Variants in TFB1M observed in about 807,000 individuals in gnomAD.
TFB1M encodes the protein dimethyladenosine transferase 1, mitochondrial.
A neutral mutation model predicts 31.1 loss-of-function variants in TFB1M; 27 were observed. The ratio of observed to expected loss-of-function variants is 0.87; its 90% confidence interval spans 0.64 to 1.20. The LOEUF is 1.20. Ranked by LOEUF, TFB1M falls within the 50% of genes most tolerant of loss-of-function variation. TFB1M has a pLI of 0.00. For synonymous variants in TFB1M, 166 were observed against 151.8 expected (o/e 1.09, Z -0.69); for missense variants, 394 against 418.7 (o/e 0.94, Z 0.51).
At chr6:155,270,766 C>G (rs1784881349) in intron 5 of TFB1M, among the ~76,000 whole-genome samples, 1 of 152,186 alleles carries the variant, frequency 6.6e-6, no homozygotes, top group Admixed American at 6.5e-5. Context: ...CCATGGCGAC[C>G]AGCGAAACAA....
chr6:155,274,730 C>T (rs557167586), intron 5 of TFB1M, among the ~76,000 whole-genome samples: 1 of 152,366 alleles, frequency 6.6e-6, no homozygotes, highest in South Asian at 2.1e-4. Flanking sequence ...GTGACTCAGA[C>T]TTCTTTCCAC....
chr6:155,262,814 T>C (rs150112450), intron 5 of TFB1M, among the ~76,000 whole-genome samples: 40 of 152,334 alleles, frequency 2.6e-4, no homozygotes, highest in African/African-American at 9.4e-4. Flanking sequence ...TGAGATATAG[T>C]TGGTATTTGC....
intron 2 of TFB1M, among the ~76,000 whole-genome samples, chr6:155,309,406 C>T (rs560967488): frequency 2.6e-5 from 4 of 152,216 alleles, no homozygotes; most frequent in African/African-American, 4.8e-5. Context: ...ATGGGAAGAA[C>T]ATATATACAG....
the TFB1M span, chr6:155,232,869 T>C: frequency 3.3e-5 from 5 of 152,242 alleles, no homozygotes; most frequent in Admixed American, 6.5e-5. Context: ...AAAGCAGGAA[T>C]TGAAATGTAG....
At chr6:155,236,967 A>G in the TFB1M span, among the ~76,000 whole-genome samples, 1 of 152,162 alleles carries the variant, frequency 6.6e-6, no homozygotes, top group Non-Finnish European at 1.5e-5. Context: ...AAAACCAATC[A>G]TGCCTTCCCA....
the TFB1M span, among the ~76,000 whole-genome samples, chr6:155,241,069 A>C: frequency 6.6e-6 from 1 of 152,186 alleles, no homozygotes; most frequent in South Asian, 2.1e-4. Flanking sequence ...CAATCTGTAC[A>C]TACGTGACGG....
chr6:155,291,432 T>A (rs1776919928), intron 4 of TFB1M, among the ~76,000 whole-genome samples: 1 of 152,118 alleles, frequency 6.6e-6, no homozygotes, highest in South Asian at 2.1e-4. Flanking sequence ...CCCAAGAGAA[T>A]TAGCAGGTTC....
At chr6:155,305,947 C>T (rs115290983) in intron 2 of TFB1M, among the ~76,000 whole-genome samples, 2,850 of 150,886 alleles carry the variant, frequency 0.019, 71 homozygotes, top group African/African-American at 0.05. Context: ...GCTGAGAAAA[C>T]ATTTGTAAAA....
At chr6:155,267,593 A>AG (rs1381213276) in intron 5 of TFB1M, among the ~76,000 whole-genome samples, 1 of 152,210 alleles carries the variant, frequency 6.6e-6, no homozygotes, top group Non-Finnish European at 1.5e-5. Context: ...GAGTCACAGT[A>AG]GGTGGTCCCA....
intron 2 of TFB1M, among the ~76,000 whole-genome samples, chr6:155,300,135 G>T (rs906574135): frequency 8.5e-5 from 13 of 152,080 alleles, no homozygotes; most frequent in African/African-American, 2.9e-4. Flanking sequence ...AAATTTGTAG[G>T]GTCTAGAAAC....
chr6:155,284,440 G>A (rs1013152742), intron 5 of TFB1M, among the ~76,000 whole-genome samples: 2 of 152,048 alleles, frequency 1.3e-5, no homozygotes, highest in East Asian at 1.9e-4. Flanking sequence ...ACTCTGTATC[G>A]GATTAGGCTC....
At chr6:155,298,238 T>G (rs1351367419) in intron 3 of TFB1M, among the ~76,000 whole-genome samples, 1 of 152,234 alleles carries the variant, frequency 6.6e-6, no homozygotes, top group Non-Finnish European at 1.5e-5. Flanking sequence ...TTAGTTTATT[T>G]GCACAGAATA....
intron 3 of TFB1M, 150 bp downstream of exon 3, chr6:155,298,327 G>A: frequency 1.7e-6 from 1 of 579,906 alleles, no homozygotes; most frequent in African/African-American, 1.9e-5. Flanking sequence ...CAAGTAGCAA[G>A]AGAAAATTAT....
At chr6:155,287,520 C>T (rs761306227) in intron 4 of TFB1M, among the ~76,000 whole-genome samples, 7 of 147,358 alleles carry the variant, frequency 4.8e-5, no homozygotes, top group Admixed American at 1.3e-4. Context: ...TGTATAAAAT[C>T]TTGAAAAGAC....
intron 5 of TFB1M, among the ~76,000 whole-genome samples, chr6:155,268,267 C>CA (rs1001498534): frequency 6.6e-6 from 1 of 152,040 alleles, no homozygotes; most frequent in African/African-American, 2.4e-5. Flanking sequence ...AATTCCACCA[C>CA]AAAAAAACAC....
At chr6:155,230,360 C>T in the TFB1M span, among the ~76,000 whole-genome samples, 1 of 152,236 alleles carries the variant, frequency 6.6e-6, no homozygotes. Context: ...GTGCTTCCCC[C>T]AGCCCCAAGC....
At chr6:155,258,354 G>A (rs1234807795) in intron 6 of TFB1M, among the ~76,000 whole-genome samples, 1 of 152,192 alleles carries the variant, frequency 6.6e-6, no homozygotes, top group African/African-American at 2.4e-5. Context: ...AGGTAAGTAA[G>A]TAAGTTTAAA....
intron 5 of TFB1M, among the ~76,000 whole-genome samples, chr6:155,280,243 GCCAAGCTC>G (rs1785432686): frequency 6.6e-6 from 1 of 152,038 alleles, no homozygotes; most frequent in African/African-American, 2.4e-5. Context: ...CTGTGTCTTG[GCCAAGCTC>G]CTTCCACTGG....
chr6:155,257,895 G>A lies in TFB1M; in HGVS notation c.982C>T (p.Arg328Ter), dbSNP rs145889610. The A allele has an allele frequency of 3.6e-5, 58 of 1,613,982 alleles. No individual in the cohort carries two copies. Among genetic ancestry groups the A allele is most frequent in the African/African-American group, 1.6e-4 (12 of 74,966 alleles). Residue 328 changes from arginine to a stop codon, truncating the protein, a stop_gained, in exon 7 of 7, where the codon CGA becomes TGA. Transcript: ENST00000367166. LOFTEE classifies it low-confidence loss of function (END_TRUNC). ...FAYNFREELKRRKSKNEEKEE... is the reference protein window; with the variant it reads ...FAYNFREELK ...TTTTCTTCATTTTTGCTTTTTCTTC[G>A]CTTGAGTTCTTCTCTGAAATTATAT...
Sources: allele counts gnomAD v4.1 joint callset (sites outside exome capture counted in the v4.1 genomes callset), GRCh38; gene constraint gnomAD v4.1.1; transcripts MANE v1.5; gene names NCBI Gene and HGNC (gene_info 2026-07-23, HGNC 2026-07-21).